The following ZNF800 variants were observed in gnomAD, a reference collection of about 807,000 sequenced individuals.
The protein encoded by ZNF800 is zinc finger protein 800.
A neutral mutation model predicts 59.5 loss-of-function variants in ZNF800; 13 were observed. The observed-to-expected ratio is 0.22, with a 90% CI of 0.14 to 0.35. The LOEUF is 0.35. Ranked by LOEUF, ZNF800 falls within the 10% of genes least tolerant of loss-of-function variation. The probability of loss-of-function intolerance (pLI) is 1.00; values close to 1 mark genes in which losing one functional copy is unlikely to be tolerated. For synonymous variants in ZNF800, 266 were observed against 265.7 expected (o/e 1.00, Z -0.01); for missense variants, 621 against 783.7 (o/e 0.79, Z 2.48).
At chr7:127,364,531 T>A (rs1001084411) in intron 1 of ZNF800, 54 of 152,252 alleles carry the variant, frequency 3.5e-4, no homozygotes, top group African/African-American at 1.2e-3. Flanking sequence ...CACATGGAAG[T>A]TTGACAGACT....
chr7:127,368,664 A>G (rs1800562042), downstream of ZNF800, among the ~76,000 whole-genome samples: 2 of 152,068 alleles, frequency 1.3e-5, no homozygotes, highest in South Asian at 4.1e-4. Flanking sequence ...CAACTTCACA[A>G]CAGGGAATGA....
chr7:127,379,089 C>G (rs1376161763), intron 3 of ZNF800, among the ~76,000 whole-genome samples: 1 of 152,066 alleles, frequency 6.6e-6, no homozygotes, highest in East Asian at 1.9e-4. Context: ...ACCACAAAAT[C>G]AGAAAACATA....
chr7:127,370,382 T>G lies in ZNF800; in HGVS notation c.*1432A>C, dbSNP rs915121867. The stretch of plus-strand genomic sequence containing the variant: ...GAAATAACTTCGATTCTGGTTTATT[T>G]CCATCACATATAGTACATTTTTCCA... On this transcript the variant is annotated 3_prime_UTR_variant, in exon 6 of 6. Coordinates refer to ENST00000265827, the MANE Select transcript of ZNF800 (RefSeq NM_176814.5). 1 of 152,606 alleles carries G rather than the reference T, an allele frequency of 6.6e-6. No individual in the cohort carries two copies. Among genetic ancestry groups the G allele is most frequent in the African/African-American group, 2.4e-5 (1 of 41,444 alleles). 9.5% of individuals were successfully genotyped at this position (152,606 alleles called of 1,614,324 possible).
intron 1 of ZNF800, among the ~76,000 whole-genome samples, chr7:127,354,894 A>T (rs1800238860): frequency 6.6e-6 from 1 of 151,968 alleles, no homozygotes; most frequent in African/African-American, 2.4e-5. Context: ...CAGGTGGTGA[A>T]ATAAAATAAC....
intron 3 of ZNF800, among the ~76,000 whole-genome samples, chr7:127,384,470 G>T (rs12706785): frequency 0.15 from 23,085 of 151,538 alleles, 1,857 homozygotes; most frequent in Middle Eastern, 0.22. Flanking sequence ...TCCTGACCTC[G>T]TGATCTGCCC....
chr7:127,362,701 CAG>C (rs1800418322), intron 1 of ZNF800: 1 of 152,040 alleles, frequency 6.6e-6, no homozygotes, highest in South Asian at 2.1e-4. Context: ...CAATTACAAA[CAG>C]TATTAGATGA....
downstream of ZNF800, among the ~76,000 whole-genome samples, chr7:127,345,613 G>C (rs903093743): frequency 1.3e-5 from 2 of 152,174 alleles, no homozygotes; most frequent in African/African-American, 2.4e-5. Context: ...GGCTGCATTC[G>C]AGTGGGCAAT....
chr7:127,358,653 CTA>C (rs1428908798), intron 1 of ZNF800, among the ~76,000 whole-genome samples: 2 of 152,048 alleles, frequency 1.3e-5, no homozygotes, highest in Non-Finnish European at 2.9e-5. Flanking sequence ...CTTTTTCTGC[CTA>C]TCTCTTTCAA....
intron 3 of ZNF800, among the ~76,000 whole-genome samples, chr7:127,380,827 G>T (rs1428488037): frequency 6.6e-6 from 1 of 152,120 alleles, no homozygotes; most frequent in African/African-American, 2.4e-5. Flanking sequence ...ACCACTTACT[G>T]CTTACATAGA....
intron 1 of ZNF800, among the ~76,000 whole-genome samples, chr7:127,350,924 T>C (rs1380854090): frequency 1.3e-5 from 2 of 152,234 alleles, no homozygotes; most frequent in African/African-American, 2.4e-5. Flanking sequence ...ATTTTGAAGA[T>C]GTTGACAGTC....
At chr7:127,378,330 T>C (rs1162011373) in intron 3 of ZNF800, among the ~76,000 whole-genome samples, 2 of 152,160 alleles carry the variant, frequency 1.3e-5, no homozygotes, top group African/African-American at 4.8e-5. Flanking sequence ...TAGTCACTAC[T>C]TTCCTACAGC....
rs1244843125 is a variant in ZNF800, at chr7:127,377,444, T to C, written c.158-115A>G. The C allele has an allele frequency of 5.3e-6, 4 of 758,616 alleles. No individual in the cohort carries two copies. Among genetic ancestry groups the C allele is most frequent in the Non-Finnish European group, 8.1e-6 (4 of 494,008 alleles). 47.0% of individuals were successfully genotyped at this position (758,616 alleles called of 1,614,324 possible). A position where few individuals can be genotyped will look rare whatever the true frequency, so the allele number is the denominator to read the frequency against. ...GTGCAGTTACTCTTTGAAAACAAAATATAGGCATTGCCAATTTCCACCACA... is the reference window on the plus strand; with the variant it reads ...GTGCAGTTACTCTTTGAAAACAAAACATAGGCATTGCCAATTTCCACCACA... On this transcript the variant is annotated intron_variant, in intron 3 of 5. Coordinates refer to ENST00000265827, the MANE Select transcript of ZNF800 (RefSeq NM_176814.5). The surrounding 1 kb of genome is among the most constrained non-coding windows in gnomAD (Gnocchi z 4.7).
intron 3 of ZNF800, among the ~76,000 whole-genome samples, chr7:127,379,329 A>G (rs7810990): frequency 0.93 from 142,233 of 152,242 alleles, 66,510 homozygotes; most frequent in East Asian, 1. Flanking sequence ...TTCTCAGGAA[A>G]TGTAGGTGAG....
At chr7:127,367,014 C>T (rs900588802), downstream of ZNF800, among the ~76,000 whole-genome samples, 14 of 152,130 alleles carry the variant, frequency 9.2e-5, no homozygotes, top group African/African-American at 3.4e-4. Context: ...TGAGAAGATA[C>T]AGAGTGAGGT....
At chr7:127,350,223 G>A (rs533115334) in intron 1 of ZNF800, 1 of 152,282 alleles carries the variant, frequency 6.6e-6, no homozygotes, top group African/African-American at 2.4e-5. Flanking sequence ...AGAAACATGC[G>A]CAGAAGTGCA....
intron 3 of ZNF800, among the ~76,000 whole-genome samples, chr7:127,385,443 C>T (rs545733017): frequency 6.6e-6 from 1 of 152,284 alleles, no homozygotes; most frequent in Admixed American, 6.5e-5. Context: ...TTTTAAAACA[C>T]TGGATTACAA....
In ZNF800 at chr7:127,373,883, G is replaced by A; in HGVS notation, c.1453C>T (p.Gln485Ter). 6.2e-7 allele frequency: 1 copy of A among 1,614,168 alleles called. No individual in the cohort carries two copies. The highest frequency in any genetic ancestry group is 8.5e-7 in the Non-Finnish European group (1 of 1,180,026). ...PKLSAGFDFK[Q>*]LYCKLCKRQF... is the part of the protein sequence containing the mutation. ...CGTTTACAAAGTTTACAGTAAAGTT[G>A]CTTAAAGTCAAAGCCAGCTGAAAGT... is the stretch of plus-strand genomic sequence containing the variant. Residue 485 changes from glutamine to a stop codon, truncating the protein, a stop_gained, in exon 5 of 6, where the codon CAA (glutamine) becomes TAA (stop). Coordinates refer to ENST00000265827, the MANE Select transcript of ZNF800 (RefSeq NM_176814.5). LOFTEE classifies it high-confidence loss of function.
At chr7:127,390,569 A>C (rs751487950) in intron 2 of ZNF800, among the ~76,000 whole-genome samples, 45 of 152,234 alleles carry the variant, frequency 3.0e-4, no homozygotes, top group Non-Finnish European at 4.7e-4. Flanking sequence ...CTACTGTGAT[A>C]AAATCCAAGT....
At chr7:127,390,217 A>C (rs1375556344) in intron 2 of ZNF800, among the ~76,000 whole-genome samples, 2 of 152,214 alleles carry the variant, frequency 1.3e-5, no homozygotes, top group African/African-American at 2.4e-5. Context: ...CATGAGTTTA[A>C]ATGGCACTCA....
Sources: gnomAD v4.1 joint callset for allele counts (sites outside exome capture counted in the v4.1 genomes callset) on GRCh38, gnomAD v4.1.1 for gene constraint, Gnocchi (gnomAD v3.1) non-coding constraint, MANE v1.5 for transcripts, NCBI Gene and HGNC (gene_info 2026-07-23, HGNC 2026-07-21) for gene names.